DNAH7: variants seen among roughly 807,000 people sequenced by gnomAD.
The protein encoded by DNAH7 is dynein axonemal heavy chain 7.
In DNAH7, 397 loss-of-function variants were observed where a neutral mutation model predicts 444.6. The ratio of observed to expected loss-of-function variants is 0.89; its 90% CI spans 0.82 to 0.97. DNAH7 has a LOEUF of 0.97. Ranked by LOEUF, DNAH7 falls within the 50% of genes least tolerant of loss-of-function variation. DNAH7 has a pLI of 0.00. For synonymous variants in DNAH7, 1,636 were observed against 1,624.4 expected, an observed-to-expected ratio of 1.01 and a Z score of -0.17; for missense variants, 4,902 against 4,800.8, an observed-to-expected ratio of 1.02 and a Z score of -0.62.
chr2:196,052,248 A>C (rs1280909209), intron 2 of DNAH7, among the ~76,000 whole-genome samples: 1 of 152,140 alleles, frequency 6.6e-6, no homozygotes, highest in Non-Finnish European at 1.5e-5. Flanking sequence ...CGGCTCTTCC[A>C]AGTTTGTTCC....
intron 29 of DNAH7, among the ~76,000 whole-genome samples, chr2:195,896,412 G>A (rs1037927353): frequency 4.6e-5 from 7 of 150,992 alleles, no homozygotes; most frequent in Non-Finnish European, 1.0e-4. Context: ...GTGTTTTTTG[G>A]TATTGTACTT....
intron 57 of DNAH7, among the ~76,000 whole-genome samples, chr2:195,791,375 GAA>G (rs545585624): frequency 4.9e-5 from 5 of 101,544 alleles, no homozygotes; most frequent in Non-Finnish European, 6.2e-5. Context: ...GCTGAAGCAG[GAA>G]AAAAAAAAAA....
chr2:195,764,301 C>T (rs1304514166), intron 61 of DNAH7, among the ~76,000 whole-genome samples: 4 of 152,022 alleles, frequency 2.6e-5, no homozygotes, highest in Non-Finnish European at 4.4e-5. Flanking sequence ...TGGAGAAAAG[C>T]TGATAGTCTT....
At chr2:196,048,813 A>G (rs1212593385) in intron 3 of DNAH7, among the ~76,000 whole-genome samples, 1 of 152,164 alleles carries the variant, frequency 6.6e-6, no homozygotes, top group Non-Finnish European at 1.5e-5. Context: ...ACAACTCACA[A>G]ATGTATTCCA....
At position 196,026,910 on chromosome 2, in the gene DNAH7, C is replaced by T; in HGVS notation, c.517G>A (p.Asp173Asn). The T allele has an allele frequency of 6.2e-7, 1 of 1,610,948 alleles. No homozygotes were observed. The highest frequency in any genetic ancestry group is 8.5e-7 in the Non-Finnish European group (1 of 1,178,094). ...TCCATTGGGGCTACATGGTCTGTAT[C>T]AATTCCATGGTGAATATAATAGTAA... is the stretch of plus-strand genomic sequence containing the variant. ...RYYYYIHHGI[D>N]TDHVAPMEDS... The change falls in exon 7 of 65, where the codon GAT (aspartate) becomes AAT (asparagine). Residue 173 changes from aspartate to asparagine, a missense_variant. Physicochemically the swap from Asp to Asn is conservative, Grantham distance 23. Transcript: ENST00000312428.
Position 195,876,728 on chromosome 2 carries a change from T to C in DNAH7, c.5962-29A>G, listed in dbSNP as rs774578701. Reference sequence around the variant, plus strand: ...TATAACAAAATAATAAAATGAGCCATAGTTGGAATTATGTTTTGACATTTC... The same window carrying C: ...TATAACAAAATAATAAAATGAGCCACAGTTGGAATTATGTTTTGACATTTC... On this transcript the variant is annotated intron_variant, in intron 36 of 64. Transcript: ENST00000312428. 9 of 1,449,586 alleles carry C rather than the reference T, an allele frequency of 6.2e-6. No individual in the cohort carries two copies. In the South Asian group the frequency reaches 8.5e-5, roughly 14 times the overall value. The allele number at this position is 1,449,586 out of a possible 1,614,324, so 89.8% of individuals were successfully genotyped here.
intron 5 of DNAH7, among the ~76,000 whole-genome samples, chr2:196,035,257 T>TTAGGAA (rs1696314059): frequency 6.6e-6 from 1 of 152,204 alleles, no homozygotes; most frequent in Non-Finnish European, 1.5e-5. Context: ...AAAAGACTTA[T>TTAGGAA]ATGACTCCAA....
chr2:195,879,727 A>G (rs1701271023), intron 36 of DNAH7, among the ~76,000 whole-genome samples: 1 of 152,166 alleles, frequency 6.6e-6, no homozygotes, highest in Admixed American at 6.5e-5. Flanking sequence ...GTGTTGATTA[A>G]AATTATTCTA....
Position 195,875,954 on chromosome 2 carries a change from T to C in DNAH7, c.6118-111A>G, listed in dbSNP as rs1361440868. The C allele has an allele frequency of 6.1e-6, 6 of 979,266 alleles. No individual in the cohort carries two copies. The African/African-American group carries it at 8.3e-5, about 13-fold the overall frequency. 60.7% of individuals were successfully genotyped at this position (979,266 alleles called of 1,614,324 possible). ...TAGCTATCTATTTGCAGAGTACATA[T>C]GAGGAAGTGATGGTTTCTTTTCTAA... On this transcript the variant is annotated intron_variant, in intron 37 of 64. Transcript: ENST00000312428.
rs751299449 is a variant in DNAH7 at position 195,796,595 on chromosome 2, G to A, written c.10496C>T (p.Thr3499Ile). The A allele has an allele frequency of 5.6e-6, 9 of 1,614,100 alleles. No individual in the cohort carries two copies. In the Admixed American group the frequency reaches 1.3e-4, roughly 24 times the overall value. Residue 3499 changes from threonine (T) to isoleucine (I), a missense_variant, in exon 56 of 65, where the codon ACC (threonine) becomes ATC (isoleucine). Physicochemically the swap from Thr to Ile is moderately conservative, Grantham distance 89. Transcript: ENST00000312428. ...NCHLATSWMP[T>I]LEKVCEELSP... is the part of the protein sequence containing the mutation. ...TTTTACCTCACAGACTTTCTCAAGG[G>A]TTGGCATCCAAGAGGTGGCAAGGTG... is the stretch of plus-strand genomic sequence containing the variant.
chr2:195,868,826 A>C (rs1377059746), intron 40 of DNAH7, among the ~76,000 whole-genome samples: 2 of 150,080 alleles, frequency 1.3e-5, no homozygotes, highest in Non-Finnish European at 3.0e-5. Context: ...AAAGGGAATG[A>C]GTTGTCAGTT....
At chr2:196,058,710 A>G (rs2125886907) in intron 1 of DNAH7, among the ~76,000 whole-genome samples, 1 of 152,342 alleles carries the variant, frequency 6.6e-6, no homozygotes, top group African/African-American at 2.4e-5. Context: ...TAAAAGGACA[A>G]CCCATGTTCA....
chr2:196,038,442 A>G (rs1306331726), intron 5 of DNAH7, among the ~76,000 whole-genome samples: 1 of 152,224 alleles, frequency 6.6e-6, no homozygotes, highest in Non-Finnish European at 1.5e-5. Context: ...TAAAACAACC[A>G]GAAAACAATC....
At chr2:196,020,559 T>C (rs1398653421) in intron 8 of DNAH7, among the ~76,000 whole-genome samples, 1 of 152,020 alleles carries the variant, frequency 6.6e-6, no homozygotes, top group African/African-American at 2.4e-5. Flanking sequence ...GGAAAATGGG[T>C]ACATAACTTT....
At chr2:195,920,320 G>T (rs1232973106) in intron 24 of DNAH7, among the ~76,000 whole-genome samples, 2 of 152,100 alleles carry the variant, frequency 1.3e-5, no homozygotes, top group Admixed American at 6.5e-5. Flanking sequence ...TACACTATAA[G>T]GCTATAGTTA....
chr2:195,876,534 G>C lies in DNAH7; in HGVS notation c.6117+10C>G, dbSNP rs1193924102. 5 of 1,613,068 alleles carry C rather than the reference G, an allele frequency of 3.1e-6. No individual in the cohort carries two copies. The highest frequency in any genetic ancestry group is 1.1e-5 in the South Asian group (1 of 90,924). ...TGAATAGGCCCGGGTACTGTACAAA[G>C]AGTCATTACCATTCTCTTGCCCAAA... is the stretch of plus-strand genomic sequence containing the variant. On this transcript the variant is annotated intron_variant, in intron 37 of 64. Coordinates refer to ENST00000312428, the MANE Select transcript of DNAH7 (RefSeq NM_018897.3).
At chr2:195,952,434 T>C (rs1690327084) in intron 19 of DNAH7, among the ~76,000 whole-genome samples, 1 of 152,178 alleles carries the variant, frequency 6.6e-6, no homozygotes, top group Non-Finnish European at 1.5e-5. Context: ...GGAGTATCTC[T>C]GTGGTGTTCT....
intron 10 of DNAH7, among the ~76,000 whole-genome samples, chr2:196,009,189 T>C (rs146667157): frequency 2.5e-4 from 38 of 152,216 alleles, no homozygotes; most frequent in Non-Finnish European, 4.6e-4. Flanking sequence ...CACTAGGGAT[T>C]ACGTTTCAAT....
chr2:195,779,554 G>T (rs1042889098), intron 58 of DNAH7, among the ~76,000 whole-genome samples: 12 of 148,192 alleles, frequency 8.1e-5, no homozygotes, highest in South Asian at 2.1e-4. Flanking sequence ...AATATTTGTT[G>T]TTTTTTTTTT....
Sources: gnomAD v4.1 joint callset for allele counts (sites outside exome capture counted in the v4.1 genomes callset) on GRCh38, gnomAD v4.1.1 for gene constraint, MANE v1.5 for transcripts, NCBI Gene and HGNC (gene_info 2026-07-23, HGNC 2026-07-21) for gene names.